The following ERCC2 variants were observed in gnomAD, a reference collection of about 807,000 sequenced individuals.
ERCC2 encodes general transcription and DNA repair factor IIH helicase subunit XPD.
ERCC2 carries 90 observed loss-of-function variants against 99.4 expected under a neutral mutation model. That is an observed-to-expected ratio of 0.91 (90% CI 0.76 to 1.08). ERCC2 has a LOEUF of 1.08. Among genes scored for constraint, ERCC2 ranks in the 50% least tolerant of loss-of-function variants. The pLI is 0.00. For missense variants in ERCC2, 993 were observed against 1,038.1 expected, an observed-to-expected ratio of 0.96 and a Z score of 0.60; for synonymous variants, 497 against 432.4, an observed-to-expected ratio of 1.15 and a Z score of -1.85.
Position 45,351,356 on chromosome 19 carries a change from A to C in ERCC2, c.*273T>G. The C allele has an allele frequency of 6.2e-7, 1 of 1,610,756 alleles. No individual in the cohort carries two copies. The highest frequency in any genetic ancestry group is 2.2e-5 in the East Asian group (1 of 44,878). On this transcript the variant is annotated 3_prime_UTR_variant, in exon 23 of 23. Coordinates refer to ENST00000391945, the MANE Select transcript of ERCC2 (RefSeq NM_000400.4). ...AGCACCCAGGACCTGAGCCCCCACT[A>C]ACGTCCAGTGAACTGCGCTGGCCGC...
chr19:45,355,819 T>C, intron 15 of ERCC2, 91 bp from the exon 16 acceptor site: 1 of 931,202 alleles, frequency 1.1e-6, no homozygotes, highest in Non-Finnish European at 1.7e-6. Context: ...CTAAGCTTTT[T>C]TTTTTTTTTT....
rs893349288 is a variant in ERCC2 at position 45,352,733 on chromosome 19, C to T, written c.1902+13G>A. 6.2e-6 allele frequency: 10 copies of T among 1,613,956 alleles called. 1 individual carries two copies. The highest frequency in any genetic ancestry group is 2.2e-5 in the South Asian group (2 of 91,072). ...TAACACTGTGGGACTCCCTGGGAGACAGAGCTACTCACCTTGAGAATGCGG... is the reference window on the plus strand; with the variant it reads ...TAACACTGTGGGACTCCCTGGGAGATAGAGCTACTCACCTTGAGAATGCGG... On this transcript the variant is annotated intron_variant, in intron 20 of 22. Coordinates refer to ENST00000391945, the MANE Select transcript of ERCC2 (RefSeq NM_000400.4).
chr19:45,350,537 G>A lies in ERCC2; in HGVS notation c.*1092C>T. 1 of 1,613,934 alleles carries A rather than the reference G, an allele frequency of 6.2e-7. No individual in the cohort carries two copies. Among genetic ancestry groups the A allele is most frequent in the Non-Finnish European group, 8.5e-7 (1 of 1,179,964 alleles). On this transcript the variant is annotated 3_prime_UTR_variant, in exon 23 of 23. Coordinates refer to ENST00000391945, the MANE Select transcript of ERCC2 (RefSeq NM_000400.4). ...AGGTGCCCCCAACACAGGCACAGCT[G>A]GTGACGCAGAACAGGTGAGGATGGG...
At position 45,350,622 on chromosome 19, in the gene ERCC2, A is replaced by G; in HGVS notation, c.*1007T>C. The G allele has an allele frequency of 6.2e-7, 1 of 1,612,552 alleles. No individual in the cohort carries two copies. Among genetic ancestry groups the G allele is most frequent in the South Asian group, 1.1e-5 (1 of 91,024 alleles). On this transcript the variant is annotated 3_prime_UTR_variant, in exon 23 of 23. Transcript: ENST00000391945. ...GCATGGGCCTGGGGGACTGAGCAGCATCCCCGGCCCCTCCCCAGGCCCTTC... is the reference window on the plus strand; with the variant it reads ...GCATGGGCCTGGGGGACTGAGCAGCGTCCCCGGCCCCTCCCCAGGCCCTTC...
intron 2 of ERCC2, 121 bp downstream of exon 2, chr19:45,370,011 TG>T: frequency 1.2e-6 from 1 of 845,186 alleles, no homozygotes; most frequent in Non-Finnish European, 1.9e-6. Flanking sequence ...CGGAAGATTA[TG>T]GGGTCCTGGA....
chr19:45,368,825 C>T, intron 4 of ERCC2, 82 bp from the exon 5 acceptor site: 1 of 1,563,226 alleles, frequency 6.4e-7, no homozygotes, highest in Non-Finnish European at 8.8e-7. Flanking sequence ...AGTCTCTTCC[C>T]CAGCTTCCCA....
intron 12 of ERCC2, chr19:45,358,645 A>G (rs1352171535): frequency 1.8e-6 from 1 of 567,916 alleles, no homozygotes; most frequent in East Asian, 3.1e-5. Flanking sequence ...GTGGCCTGGA[A>G]AACCTCCCAA....
chr19:45,355,256 C>A (rs1190650594), intron 16 of ERCC2, among the ~76,000 whole-genome samples: 1 of 152,230 alleles, frequency 6.6e-6, no homozygotes, highest in Non-Finnish European at 1.5e-5. Flanking sequence ...ACTCGGGAGG[C>A]TGAGGCATGA....
chr19:45,353,597 G>A lies in ERCC2; in HGVS notation c.1666-263C>T, dbSNP rs183696056. 1.5e-4 allele frequency among the ~76,000 whole-genome samples: 23 copies of A among 152,322 alleles called. No individual in the cohort carries two copies. In the East Asian group the frequency reaches 2.5e-3, roughly 17 times the overall value. Reference sequence around the variant, plus strand: ...TCAGGGCACCCCAACCCCTGCCAGCGATTGGTGGAGGGGCTGACTGTGAGG... The same window carrying A: ...TCAGGGCACCCCAACCCCTGCCAGCAATTGGTGGAGGGGCTGACTGTGAGG... On this transcript the variant is annotated intron_variant, in intron 17 of 22. Transcript: ENST00000391945.
At chr19:45,362,432 C>T (rs238404) in intron 11 of ERCC2, among the ~76,000 whole-genome samples, 96,239 of 152,094 alleles carry the variant, frequency 0.63, 32,072 homozygotes, top group African/African-American at 0.86. Flanking sequence ...CAGAGTCCCA[C>T]GGATACCACG....
Position 45,350,587 on chromosome 19 carries a change from C to T in ERCC2, c.*1042G>A, listed in dbSNP as rs375570963. Reference sequence around the variant, plus strand: ...GCTGTGCTTCGGCTCCTGGGGTGGGCGTGGGGACTGCATGGGCCTGGGGGA... The same window carrying T: ...GCTGTGCTTCGGCTCCTGGGGTGGGTGTGGGGACTGCATGGGCCTGGGGGA... On this transcript the variant is annotated 3_prime_UTR_variant, in exon 23 of 23. Coordinates refer to ENST00000391945, the MANE Select transcript of ERCC2 (RefSeq NM_000400.4). 2.2e-5 allele frequency: 35 copies of T among 1,613,646 alleles called. No individual in the cohort carries two copies. The highest frequency in any genetic ancestry group is 1.5e-4 in the African/African-American group (11 of 74,850).
In ERCC2 at chr19:45,351,291, C is replaced by T. The variant is rs779140648; in HGVS notation, c.*338G>A. 3.1e-6 allele frequency: 5 copies of T among 1,612,674 alleles called. No homozygotes were observed. Among genetic ancestry groups the T allele is most frequent in the Non-Finnish European group, 4.2e-6 (5 of 1,179,958 alleles). On this transcript the variant is annotated 3_prime_UTR_variant, in exon 23 of 23. Coordinates refer to ENST00000391945, the MANE Select transcript of ERCC2 (RefSeq NM_000400.4). ...TCCCCTGTGCCTGTCTCCAGTTTCC[C>T]AGCTGGCACCTGGACAAGGCCCCTC...
In ERCC2 at chr19:45,368,886, T is replaced by C. The variant is rs2298860; in HGVS notation, c.246+44A>G. The C allele has an allele frequency of 6.1e-3, 9,774 of 1,607,448 alleles. 749 individuals are homozygous for C. In the Admixed American group the frequency reaches 0.14, roughly 22 times the overall value. On this transcript the variant is annotated intron_variant, in intron 4 of 22. Transcript: ENST00000391945. Reference sequence around the variant, plus strand: ...CACCGCCAGGGGGACCAATAGGGCCTAGGGAACAGTGGGGCTGGAGCACCA... The same window carrying C: ...CACCGCCAGGGGGACCAATAGGGCCCAGGGAACAGTGGGGCTGGAGCACCA...
chr19:45,354,077 C>T (rs1243866232), intron 17 of ERCC2, among the ~76,000 whole-genome samples: 3 of 152,216 alleles, frequency 2.0e-5, no homozygotes, highest in African/African-American at 2.4e-5. Context: ...GCCTCCCATG[C>T]GTGCCTTTCC....
intron 12 of ERCC2, among the ~76,000 whole-genome samples, chr19:45,360,325 G>A (rs569222817): frequency 6.7e-5 from 10 of 149,340 alleles, no homozygotes; most frequent in Admixed American, 2.0e-4. Context: ...CTCGAGATCC[G>A]CCCGCCTCGG....
chr19:45,363,550 G>T (rs377125894), intron 11 of ERCC2, among the ~76,000 whole-genome samples, 193 bp downstream of exon 11: 4 of 152,134 alleles, frequency 2.6e-5, no homozygotes, highest in African/African-American at 7.2e-5. Flanking sequence ...CCTGCCCGAC[G>T]CACGGACCCA....
chr19:45,359,051 G>C (rs902825367), intron 12 of ERCC2: 5 of 611,620 alleles, frequency 8.2e-6, no homozygotes, highest in African/African-American at 1.8e-5. Context: ...TCGCAGTCCA[G>C]TAGGAGACAG....
intron 11 of ERCC2, 36 bp downstream of exon 11, chr19:45,363,707 C>A: frequency 6.6e-7 from 1 of 1,519,782 alleles, no homozygotes; most frequent in Non-Finnish European, 8.8e-7. Flanking sequence ...CCGGGACCTG[C>A]CGGGCCCCCA....
At chr19:45,353,796 T>TGGAACCAAAAAATGAACC (rs1474866113) in intron 17 of ERCC2, among the ~76,000 whole-genome samples, 1 of 152,120 alleles carries the variant, frequency 6.6e-6, no homozygotes, top group Non-Finnish European at 1.5e-5. Flanking sequence ...GATTTTCAAA[T>TGGAACCAAAAAATGAACC]GGAACCAAAA....
Sources: gnomAD v4.1 joint callset for allele counts (sites outside exome capture counted in the v4.1 genomes callset) on GRCh38, gnomAD v4.1.1 for gene constraint, MANE v1.5 for transcripts, NCBI Gene and HGNC (gene_info 2026-07-23, HGNC 2026-07-21) for gene names.